Variants in PTGR2 observed in about 807,000 individuals in gnomAD.
PTGR2 encodes the protein prostaglandin reductase 2, also known as 15-oxoprostaglandin 13-reductase.
A neutral mutation model predicts 43.4 loss-of-function variants in PTGR2; 32 were observed. The ratio of observed to expected loss-of-function variants is 0.74; its 90% CI spans 0.56 to 0.99. The LOEUF (loss-of-function observed/expected upper bound fraction) is 0.99, where lower values mean the gene tolerates loss of function less well. PTGR2 is among the 50% of genes least tolerant of loss of function. The pLI is 0.00. For missense variants in PTGR2, 373 were observed against 420.0 expected (o/e 0.89, Z 0.98); for synonymous variants, 106 against 139.2 (o/e 0.76, Z 1.68).
chr14:73,852,942 C>A (rs1465175661), intron 1 of PTGR2, among the ~76,000 whole-genome samples: 2 of 152,158 alleles, frequency 1.3e-5, no homozygotes, highest in Non-Finnish European at 2.9e-5. Context: ...TCTCCAGCTT[C>A]AGCCTCCTGT....
rs544641816 is a variant in PTGR2, at chr14:73,851,838, T to G, written c.-153T>G. ...GCGGAGCCGGGCCTAGTCGCGCGCC[T>G]GCGTACTGCGGTCAGAGGGCCGAGG... On this transcript the variant is annotated 5_prime_UTR_variant, in exon 1 of 10. Coordinates refer to ENST00000555661, the MANE Select transcript of PTGR2 (RefSeq NM_001146154.2). The G allele has an allele frequency of 6.6e-6, 1 of 152,400 alleles. No homozygotes were observed. Among genetic ancestry groups the G allele is most frequent in the Admixed American group, 6.5e-5 (1 of 15,296 alleles). 9.4% of individuals were successfully genotyped at this position (152,400 alleles called of 1,614,324 possible). A position where few individuals can be genotyped will look rare whatever the true frequency, so the allele number is the denominator to read the frequency against.
intron 1 of PTGR2, chr14:73,858,570 TAAAC>T (rs993912719): frequency 4.9e-5 from 13 of 267,174 alleles, no homozygotes; most frequent in East Asian, 1.6e-4. Flanking sequence ...AATAAATAAA[TAAAC>T]AAACATTTTG....
intron 1 of PTGR2, among the ~76,000 whole-genome samples, chr14:73,853,886 A>G (rs926210025): frequency 1.3e-5 from 2 of 152,124 alleles, no homozygotes; most frequent in African/African-American, 4.8e-5. Context: ...AACACACTCT[A>G]TCATCACATC....
chr14:73,880,601 CA>C (rs1330900422), intron 7 of PTGR2, among the ~76,000 whole-genome samples: 2 of 138,934 alleles, frequency 1.4e-5, no homozygotes, highest in Admixed American at 7.2e-5. Flanking sequence ...AAAAAAAAAA[CA>C]AAAAAAAACC....
intron 8 of PTGR2, among the ~76,000 whole-genome samples, chr14:73,881,772 C>CTTT (rs57377878): frequency 2.0e-4 from 14 of 69,266 alleles, no homozygotes; most frequent in East Asian, 6.0e-4. Context: ...CTAGGCTATT[C>CTTT]TTTTTTTTTT....
chr14:73,882,800 CTTTTTTTTTTTTTTTTTTTTTTTTTTT>C lies in PTGR2; in HGVS notation c.979+374_979+400del, dbSNP rs35651032. On this transcript the variant is annotated intron_variant, in intron 9 of 9. Coordinates refer to ENST00000555661, the MANE Select transcript of PTGR2 (RefSeq NM_001146154.2). ...CAAGCGTGAGCCACCACGCCTGGCCCTTTTTTTTTTTTTTTTTTTTTTTTTTTTTTTTTTTTTTGAGACGGAGTCTTG... is the reference window on the plus strand; with the variant it reads ...CAAGCGTGAGCCACCACGCCTGGCCCTTTTTTTTTTTGAGACGGAGTCTTG... Among the ~76,000 whole-genome samples, 148 of 41,828 alleles carry C rather than the reference CTTTTTTTTTTTTTTTTTTTTTTTTTTT, an allele frequency of 3.5e-3. 2 individuals carry two copies. The highest frequency in any genetic ancestry group is 6.0e-3 in the Non-Finnish European group (131 of 21,904). 27.4% of individuals were successfully genotyped at this position (41,828 alleles called of 152,430 possible).
chr14:73,881,645 A>AC (rs1595373189), intron 8 of PTGR2, among the ~76,000 whole-genome samples: 1 of 152,098 alleles, frequency 6.6e-6, no homozygotes, highest in East Asian at 1.9e-4. Flanking sequence ...TAATGTGAGC[A>AC]CCTCCTGATG....
intron 4 of PTGR2, among the ~76,000 whole-genome samples, chr14:73,875,988 T>C (rs894988056): frequency 6.6e-6 from 1 of 151,452 alleles, no homozygotes; most frequent in African/African-American, 2.4e-5. Flanking sequence ...CCTGGCTAAT[T>C]TTTTGTATTT....
At chr14:73,863,942 C>G (rs770987186) in intron 3 of PTGR2, among the ~76,000 whole-genome samples, 45 of 152,184 alleles carry the variant, frequency 3.0e-4, no homozygotes, top group Non-Finnish European at 5.4e-4. Flanking sequence ...GGCTTTTCCC[C>G]ACCCAAGGTC....
At chr14:73,876,928 CGTTGTCTCTACTTT>C in intron 4 of PTGR2, 56 bp from the exon 5 acceptor site, 1 of 1,174,732 alleles carries the variant, frequency 8.5e-7, no homozygotes, top group Non-Finnish European at 1.2e-6. Flanking sequence ...GTCCATAACA[CGTTGTCTCTACTTT>C]GTTGTCTCAA....
In PTGR2 at chr14:73,864,218, C is replaced by G. The variant is rs1341175046; in HGVS notation, c.156+3561C>G. On this transcript the variant is annotated intron_variant, in intron 3 of 9. Coordinates refer to ENST00000555661, the MANE Select transcript of PTGR2 (RefSeq NM_001146154.2). Reference sequence around the variant, plus strand: ...ATGATGGACATGTGGGTTGTTTACACAACTTGGCTATTAGCAATACTTCTG... The same window carrying G: ...ATGATGGACATGTGGGTTGTTTACAGAACTTGGCTATTAGCAATACTTCTG... Among the ~76,000 whole-genome samples, 5 of 152,328 alleles carry G rather than the reference C, an allele frequency of 3.3e-5. No homozygotes were observed. In the East Asian group the frequency reaches 9.6e-4, roughly 29 times the overall value.
chr14:73,856,413 AT>A (rs34887856), intron 1 of PTGR2, among the ~76,000 whole-genome samples: 8 of 150,394 alleles, frequency 5.3e-5, no homozygotes, highest in African/African-American at 1.5e-4. Context: ...CCCACCGGCT[AT>A]TTTTTTTTGT....
intron 6 of PTGR2, 137 bp from the exon 7 acceptor site, chr14:73,879,918 C>A: frequency 1.4e-6 from 1 of 728,976 alleles, no homozygotes; most frequent in Non-Finnish European, 2.2e-6. Flanking sequence ...TCTTAAATAC[C>A]TCTAACAGGT....
chr14:73,852,281 G>A (rs76586239), intron 1 of PTGR2, among the ~76,000 whole-genome samples: 3,084 of 151,872 alleles, frequency 0.02, 84 homozygotes, highest in African/African-American at 0.064. Flanking sequence ...TGTGTGTGAC[G>A]GAGTCTCGCT....
intron 4 of PTGR2, among the ~76,000 whole-genome samples, chr14:73,876,701 T>G (rs2054873931): frequency 6.6e-6 from 1 of 152,070 alleles, no homozygotes; most frequent in South Asian, 2.1e-4. Context: ...GGTCTCGAAC[T>G]CCTGGTCTCA....
chr14:73,858,769 T>G (rs951467862), intron 1 of PTGR2, 47 bp from the exon 2 acceptor site: 4 of 879,374 alleles, frequency 4.5e-6, no homozygotes, highest in Non-Finnish European at 6.9e-6. Flanking sequence ...ATTTTTAAAT[T>G]GTTGAATACT....
Position 73,858,828 on chromosome 14 carries a change from C to T in PTGR2, c.-35C>T. The T allele has an allele frequency of 6.3e-7, 1 of 1,589,500 alleles. No individual in the cohort carries two copies. Among genetic ancestry groups the T allele is most frequent in the Non-Finnish European group, 8.6e-7 (1 of 1,163,526 alleles). ...TTTTTATTTATAGGAGTATTTTATACAGAAATCTTGTGAAACCACTGCCCA... is the reference window on the plus strand; with the variant it reads ...TTTTTATTTATAGGAGTATTTTATATAGAAATCTTGTGAAACCACTGCCCA... On this transcript the variant is annotated 5_prime_UTR_variant, in exon 2 of 10. Coordinates refer to ENST00000555661, the MANE Select transcript of PTGR2 (RefSeq NM_001146154.2).
intron 7 of PTGR2, 157 bp downstream of exon 7, chr14:73,880,333 G>A: frequency 1.2e-6 from 1 of 814,298 alleles, no homozygotes; most frequent in South Asian, 1.4e-5. Flanking sequence ...AGCACTTTGG[G>A]ATGCCGAGAC....
intron 3 of PTGR2, among the ~76,000 whole-genome samples, chr14:73,872,805 C>T (rs1421666447): frequency 1.3e-5 from 2 of 151,552 alleles, no homozygotes; most frequent in African/African-American, 2.4e-5. Flanking sequence ...GGCGAAACTC[C>T]GTCTCTACTA....
Sources: allele counts gnomAD v4.1 joint callset (sites outside exome capture counted in the v4.1 genomes callset), GRCh38; gene constraint gnomAD v4.1.1; transcripts MANE v1.5; gene names NCBI Gene and HGNC (gene_info 2026-07-23, HGNC 2026-07-21).